Variants in MAML1 observed in about 807,000 individuals in gnomAD.
MAML1 encodes the protein mastermind-like protein 1.
A neutral mutation model predicts 77.1 loss-of-function variants in MAML1; 14 were observed. That is an observed-to-expected ratio of 0.18 (90% CI 0.12 to 0.28). MAML1 has a LOEUF of 0.28. Ranked by LOEUF, MAML1 falls within the 10% of genes least tolerant of loss-of-function variation. MAML1 has a pLI of 1.00. For synonymous variants in MAML1, 516 were observed against 551.9 expected, an observed-to-expected ratio of 0.93 and a Z score of 0.91; for missense variants, 1,217 against 1,327.8, an observed-to-expected ratio of 0.92 and a Z score of 1.30.
intron 1 of MAML1, among the ~76,000 whole-genome samples, chr5:179,750,723 A>G (rs1467682843): frequency 6.6e-6 from 1 of 152,160 alleles, no homozygotes. Context: ...GGGACTCCCA[A>G]AGTGCTGGGA....
At chr5:179,752,974 T>C (rs1180109593) in intron 1 of MAML1, among the ~76,000 whole-genome samples, 1 of 152,140 alleles carries the variant, frequency 6.6e-6, no homozygotes, top group Non-Finnish European at 1.5e-5. Flanking sequence ...GGTTTCACCA[T>C]GTTGGCCAGG....
Position 179,774,806 on chromosome 5 carries a change from G to T in MAML1, c.2980G>T (p.Asp994Tyr), listed in dbSNP as rs769979944. The T allele has an allele frequency of 3.7e-6, 6 of 1,613,974 alleles. No individual in the cohort carries two copies. The highest frequency in any genetic ancestry group is 4.2e-6 in the Non-Finnish European group (5 of 1,180,008). ...TGTGGCTGGACACACCGATCTGATC[G>T]ACTCCCTGCTGAAGAACAGGACTTC... The part of the protein sequence containing the change: ...SSVAGHTDLI[D>Y]SLLKNRTSEE... The change falls in exon 5 of 5, where the codon GAC (aspartate) becomes TAC (tyrosine). Residue 994 changes from aspartate to tyrosine, a missense_variant. Coordinates refer to ENST00000292599, the MANE Select transcript of MAML1 (RefSeq NM_014757.5).
intron 1 of MAML1, among the ~76,000 whole-genome samples, chr5:179,733,699 C>T (rs527287408): frequency 1.3e-5 from 2 of 152,342 alleles, no homozygotes; most frequent in African/African-American, 4.8e-5. Context: ...GTTTTTCTTC[C>T]AGACTTGATT....
intron 1 of MAML1, among the ~76,000 whole-genome samples, chr5:179,743,259 T>C (rs187416294): frequency 0.013 from 1,993 of 151,228 alleles, 36 homozygotes; most frequent in African/African-American, 0.046. Flanking sequence ...TCCATGTTGG[T>C]CAGGCTGGTC....
At chr5:179,752,079 GCAC>G (rs1204151594) in intron 1 of MAML1, among the ~76,000 whole-genome samples, 7 of 151,810 alleles carry the variant, frequency 4.6e-5, no homozygotes, top group Non-Finnish European at 1.0e-4. Context: ...TGTAATCCCA[GCAC>G]TTTGGGAGGC....
Position 179,766,765 on chromosome 5 carries a change from G to A in MAML1, c.1731+24G>A, listed in dbSNP as rs759332764. ...AGGTAAGTATGAGCCTTTGCTTTCT[G>A]TTCCTCTGCTGCAGACACTTCAGTG... On this transcript the variant is annotated intron_variant, in intron 2 of 4. Coordinates refer to ENST00000292599, the MANE Select transcript of MAML1 (RefSeq NM_014757.5). This position sits in a 1 kb window ranked among gnomAD's most constrained non-coding sequence, Gnocchi z 4.0. 2 of 1,503,994 alleles carry A rather than the reference G, an allele frequency of 1.3e-6. No individual in the cohort carries two copies. The highest frequency in any genetic ancestry group is 2.7e-5 in the South Asian group (2 of 74,586). 93.2% of individuals were successfully genotyped at this position (1,503,994 alleles called of 1,614,324 possible).
Position 179,775,497 on chromosome 5 carries a change from A to T in MAML1, c.*620A>T. ...GAGGCCACTGGAAAATTATTTCCCTAAGTGCAGGCTGTTGACTGCGTATGC... is the reference window on the plus strand; with the variant it reads ...GAGGCCACTGGAAAATTATTTCCCTTAGTGCAGGCTGTTGACTGCGTATGC... On this transcript the variant is annotated 3_prime_UTR_variant, in exon 5 of 5. Transcript: ENST00000292599. The T allele has an allele frequency of 1.0e-6, 1 of 985,282 alleles. No homozygotes were observed. The highest frequency in any genetic ancestry group is 1.2e-6 in the Non-Finnish European group (1 of 829,912). The allele number at this position is 985,282 out of a possible 1,614,324, so 61.0% of individuals were successfully genotyped here.
chr5:179,736,874 T>C (rs1214931537), intron 1 of MAML1, among the ~76,000 whole-genome samples: 1 of 150,480 alleles, frequency 6.6e-6, no homozygotes, highest in African/African-American at 2.5e-5. Context: ...GGGAGGAGAA[T>C]CGCTGGAACC....
Position 179,766,555 on chromosome 5 carries a change from A to G in MAML1, c.1545A>G (p.Thr515=). ...GGTCTGTGCTGGACTACGGCAATACAAAACCCCTTTCTCATTACAAAGCGG... is the reference window on the plus strand; with the variant it reads ...GGTCTGTGCTGGACTACGGCAATACGAAACCCCTTTCTCATTACAAAGCGG... ...NQGSVLDYGN[T]KPLSHYKADC... Residue 515 remains threonine, a synonymous_variant, in exon 2 of 5, where the codon ACA becomes ACG. Coordinates refer to ENST00000292599, the MANE Select transcript of MAML1 (RefSeq NM_014757.5). The surrounding 1 kb of genome is among the most constrained non-coding windows in gnomAD (Gnocchi z 4.0). The G allele has an allele frequency of 1.2e-6, 2 of 1,607,096 alleles. No individual in the cohort carries two copies. Among genetic ancestry groups the G allele is most frequent in the Non-Finnish European group, 1.7e-6 (2 of 1,175,464 alleles).
chr5:179,746,630 C>T (rs1197147862), intron 1 of MAML1, among the ~76,000 whole-genome samples: 1 of 152,150 alleles, frequency 6.6e-6, no homozygotes, highest in Non-Finnish European at 1.5e-5. Flanking sequence ...ACCTCGGCCT[C>T]CCAAAGTGCT....
chr5:179,765,239 T>C, intron 1 of MAML1, 87 bp from the exon 2 acceptor site: 1 of 1,154,816 alleles, frequency 8.7e-7, no homozygotes, highest in Non-Finnish European at 1.2e-6. Context: ...CTGGCGAGCA[T>C]TGCAGGGACA....
chr5:179,774,713 G>A lies in MAML1; in HGVS notation c.2887G>A (p.Val963Met), dbSNP rs772823890. 2.5e-6 allele frequency: 4 copies of A among 1,610,966 alleles called. No individual in the cohort carries two copies. Among genetic ancestry groups the A allele is most frequent in the South Asian group, 2.2e-5 (2 of 91,084 alleles). The change falls in exon 5 of 5, where the codon GTG becomes ATG. Residue 963 changes from valine to methionine, a missense_variant. By Grantham distance (21) the Val-to-Met change is conservative (BLOSUM62 1). Transcript: ENST00000292599. ...AGLHCTQAYP[V>M]RTAGQELPFA... ...GCTGCACTGCACCCAGGCCTACCCT[G>A]TGCGGACCGCGGGCCAGGAGCTGCC...
chr5:179,735,468 A>G (rs144323647), intron 1 of MAML1, among the ~76,000 whole-genome samples: 3,419 of 152,132 alleles, frequency 0.022, 54 homozygotes, highest in Middle Eastern at 0.068. Flanking sequence ...GGTCACAGCA[A>G]TCTCCGCCTC....
intron 1 of MAML1, among the ~76,000 whole-genome samples, chr5:179,755,494 G>A (rs11739042): frequency 0.22 from 33,966 of 150,966 alleles, 4,574 homozygotes; most frequent in Non-Finnish European, 0.31. Context: ...AACATGAAAC[G>A]TAGTATTGTA....
At chr5:179,764,964 C>G (rs979334242) in intron 1 of MAML1, among the ~76,000 whole-genome samples, 2 of 146,450 alleles carry the variant, frequency 1.4e-5, no homozygotes, top group East Asian at 4.0e-4. Flanking sequence ...AAGGCTCCAT[C>G]TCAAAACATA....
In MAML1 at chr5:179,766,749, T is replaced by G. The variant is rs770627874; in HGVS notation, c.1731+8T>G. Reference sequence around the variant, plus strand: ...CTGGTTCCACCTGGCCAGGTAAGTATGAGCCTTTGCTTTCTGTTCCTCTGC... The same window carrying G: ...CTGGTTCCACCTGGCCAGGTAAGTAGGAGCCTTTGCTTTCTGTTCCTCTGC... On this transcript the variant is annotated splice_region_variant and intron_variant, in intron 2 of 4. Transcript: ENST00000292599. The surrounding 1 kb of genome is among the most constrained non-coding windows in gnomAD (Gnocchi z 4.0). 1 of 1,522,926 alleles carries G rather than the reference T, an allele frequency of 6.6e-7. No individual in the cohort carries two copies. The highest frequency in any genetic ancestry group is 1.4e-5 in the African/African-American group (1 of 72,092). 94.3% of individuals were successfully genotyped at this position (1,522,926 alleles called of 1,614,324 possible).
chr5:179,749,854 C>T (rs535730481), intron 1 of MAML1, among the ~76,000 whole-genome samples: 1 of 152,292 alleles, frequency 6.6e-6, no homozygotes, highest in Admixed American at 6.5e-5. Context: ...CAGGGCAGCC[C>T]CCTTGCTCTG....
rs770444320 is a variant in MAML1 at position 179,766,192 on chromosome 5, C to T, written c.1182C>T (p.Ser394=). ...SQGPGGASEL[S]SAHQLQQIAA... ...GCCCAGGAGGGGCCTCAGAGCTGTC[C>T]TCTGCCCACCAGCTCCAGCAGATCG... Residue 394 remains serine, a synonymous_variant, in exon 2 of 5, where the codon TCC becomes TCT. Coordinates refer to ENST00000292599, the MANE Select transcript of MAML1 (RefSeq NM_014757.5). This position sits in a 1 kb window ranked among gnomAD's most constrained non-coding sequence, Gnocchi z 4.0. The T allele has an allele frequency of 1.9e-6, 3 of 1,608,198 alleles. No homozygotes were observed. In the South Asian group the frequency reaches 3.3e-5, roughly 18 times the overall value.
chr5:179,754,136 A>T (rs1779566428), intron 1 of MAML1, among the ~76,000 whole-genome samples: 1 of 152,084 alleles, frequency 6.6e-6, no homozygotes, highest in Admixed American at 6.6e-5. Context: ...TGCAAAAATT[A>T]GCTGGGTGTG....
Sources: allele counts gnomAD v4.1 joint callset (sites outside exome capture counted in the v4.1 genomes callset), GRCh38; gene constraint gnomAD v4.1.1; non-coding constraint Gnocchi (gnomAD v3.1); transcripts MANE v1.5; gene names NCBI Gene and HGNC (gene_info 2026-07-23, HGNC 2026-07-21).